The following NRXN1 variants were observed in gnomAD, a reference collection of about 807,000 sequenced individuals.
The protein encoded by NRXN1 is neurexin 1.
NRXN1 carries 39 observed loss-of-function variants against 150.9 expected under a neutral mutation model. The ratio of observed to expected loss-of-function variants is 0.26; its 90% CI spans 0.20 to 0.34. The LOEUF is 0.34. Ranked by LOEUF, NRXN1 falls within the 10% of genes least tolerant of loss-of-function variation. The pLI is 1.00. For missense variants in NRXN1, 1,815 were observed against 1,949.9 expected, an observed-to-expected ratio of 0.93 and a Z score of 1.30; for synonymous variants, 924 against 757.0, an observed-to-expected ratio of 1.22 and a Z score of -3.62.
At chr2:50,402,362 C>CA (rs980698082) in intron 17 of NRXN1, among the ~76,000 whole-genome samples, 1 of 151,428 alleles carries the variant, frequency 6.6e-6, no homozygotes, top group Non-Finnish European at 1.5e-5. Context: ...TTTTTAACAT[C>CA]AAAAAAATGT....
chr2:50,465,397 T>C, intron 17 of NRXN1, 45 bp downstream of exon 17: 1 of 1,541,516 alleles, frequency 6.5e-7, no homozygotes, highest in Non-Finnish European at 8.8e-7. Context: ...AAACAGTAAC[T>C]GGAAGCAACG....
chr2:50,434,859 A>G (rs1330430360), intron 17 of NRXN1, among the ~76,000 whole-genome samples: 2 of 152,254 alleles, frequency 1.3e-5, no homozygotes, highest in African/African-American at 4.8e-5. Flanking sequence ...AAACAACATG[A>G]AAACTGCTGA....
At chr2:50,554,791 G>A (rs748966345) in intron 8 of NRXN1, among the ~76,000 whole-genome samples, 3 of 152,104 alleles carry the variant, frequency 2.0e-5, no homozygotes, top group Non-Finnish European at 2.9e-5. Context: ...GCTGGGCCTG[G>A]TGTTTCAGTT....
At chr2:50,017,268 A>G (rs1302648640) in intron 21 of NRXN1, among the ~76,000 whole-genome samples, 2 of 152,146 alleles carry the variant, frequency 1.3e-5, no homozygotes, top group African/African-American at 4.8e-5. Flanking sequence ...CCTCTGCCAC[A>G]ACAGACACTT....
chr2:50,233,913 T>C (rs1158527915), intron 18 of NRXN1, among the ~76,000 whole-genome samples: 1 of 152,102 alleles, frequency 6.6e-6, no homozygotes, highest in Non-Finnish European at 1.5e-5. Context: ...CCTTTCAATA[T>C]TCTCAAATCT....
intron 17 of NRXN1, among the ~76,000 whole-genome samples, chr2:50,267,507 A>C (rs181956447): frequency 6.6e-6 from 1 of 152,324 alleles, no homozygotes; most frequent in East Asian, 1.9e-4. Flanking sequence ...AAAATGAATA[A>C]GACTACCAAC....
rs1667872448 is a variant in NRXN1, at chr2:49,919,677, T to A, written c.*2267A>T. ...GGAAAAGAAAAGACTCGTGAATTAT[T>A]TAATGTGGCAAATTAAAAAAAATGA... On this transcript the variant is annotated 3_prime_UTR_variant, in exon 23 of 23. Transcript: ENST00000401669. 1 of 152,082 alleles carries A rather than the reference T, an allele frequency of 6.6e-6. No individual in the cohort carries two copies. The highest frequency in any genetic ancestry group is 2.1e-4 in the South Asian group (1 of 4,832). 9.4% of individuals were successfully genotyped at this position (152,082 alleles called of 1,614,324 possible).
intron 5 of NRXN1, among the ~76,000 whole-genome samples, chr2:50,652,887 C>T (rs12995518): frequency 0.35 from 53,031 of 151,892 alleles, 10,014 homozygotes; most frequent in Non-Finnish European, 0.42. Context: ...TCCTAGCTGG[C>T]GTGAAGTGTT....
rs200464704 is a variant in NRXN1, at chr2:50,623,566, G to A, written c.882C>T (p.Tyr294=). 3.9e-5 allele frequency: 63 copies of A among 1,612,974 alleles called. No individual in the cohort carries two copies. Among genetic ancestry groups the A allele is most frequent in the East Asian group, 1.3e-4 (6 of 44,858 alleles). ...TTTGAATGGGGTTTTGAGACAAGTC[G>A]TAGCAGAAGTATTCAGATCCTTTGA... ...ATFKGSEYFC[Y]DLSQNPIQSS... Residue 294 remains tyrosine, a synonymous_variant, in exon 6 of 23, where the codon TAC becomes TAT. Transcript: ENST00000401669.
intron 5 of NRXN1, among the ~76,000 whole-genome samples, chr2:50,765,973 G>C (rs1702336841): frequency 6.6e-6 from 1 of 152,004 alleles, no homozygotes; most frequent in African/African-American, 2.4e-5. Context: ...GCCTAGAAGA[G>C]AAAGCAAATT....
chr2:50,173,219 G>T (rs976726831), intron 18 of NRXN1, among the ~76,000 whole-genome samples: 2 of 152,092 alleles, frequency 1.3e-5, no homozygotes, highest in Non-Finnish European at 2.9e-5. Flanking sequence ...CATCAGAAAA[G>T]ATTTGAAACT....
intron 17 of NRXN1, among the ~76,000 whole-genome samples, chr2:50,415,916 A>G (rs2104168178): frequency 7.0e-6 from 1 of 142,224 alleles, no homozygotes; most frequent in East Asian, 2.0e-4. Flanking sequence ...CTATATTCCT[A>G]TTTTTATGGC....
chr2:50,729,001 CT>C (rs1279964532), intron 5 of NRXN1, among the ~76,000 whole-genome samples: 12 of 151,948 alleles, frequency 7.9e-5, no homozygotes, highest in Admixed American at 6.6e-4. Context: ...ACTGTGAAAC[CT>C]TTTTTTCCCC....
At chr2:50,533,591 C>G (rs1189687455) in intron 10 of NRXN1, among the ~76,000 whole-genome samples, 1 of 152,144 alleles carries the variant, frequency 6.6e-6, no homozygotes, top group Admixed American at 6.6e-5. Context: ...GTCCCTCAGA[C>G]TTTGCTCTCA....
intron 5 of NRXN1, among the ~76,000 whole-genome samples, chr2:50,710,776 T>C (rs529680437): frequency 6.6e-6 from 1 of 152,252 alleles, no homozygotes; most frequent in Admixed American, 6.5e-5. Flanking sequence ...GCTTCTCTGC[T>C]TTTTTTGGCA....
intron 17 of NRXN1, among the ~76,000 whole-genome samples, chr2:50,240,543 TA>T (rs1292619347): frequency 2.0e-5 from 3 of 151,678 alleles, no homozygotes; most frequent in East Asian, 3.9e-4. Context: ...TTAGATGGCT[TA>T]AAGTTTCAAA....
At chr2:50,843,101 T>C (rs773131392) in intron 5 of NRXN1, among the ~76,000 whole-genome samples, 5 of 152,126 alleles carry the variant, frequency 3.3e-5, no homozygotes, top group African/African-American at 1.2e-4. Flanking sequence ...GCAGGGAAGA[T>C]GCTGGCTACC....
intron 8 of NRXN1, among the ~76,000 whole-genome samples, chr2:50,581,972 T>C (rs1672337071): frequency 6.6e-6 from 1 of 152,124 alleles, no homozygotes; most frequent in Non-Finnish European, 1.5e-5. Flanking sequence ...CATAGTAATA[T>C]TTCACTCTAG....
chr2:50,579,143 G>A (rs773256130), intron 8 of NRXN1, among the ~76,000 whole-genome samples: 2 of 152,130 alleles, frequency 1.3e-5, no homozygotes, highest in Non-Finnish European at 1.5e-5. Flanking sequence ...TGGGTAGAGC[G>A]AAATGAGGCG....
Sources: gnomAD v4.1 joint callset for allele counts (sites outside exome capture counted in the v4.1 genomes callset) on GRCh38, gnomAD v4.1.1 for gene constraint, MANE v1.5 for transcripts, NCBI Gene and HGNC (gene_info 2026-07-23, HGNC 2026-07-21) for gene names.